The following TSNARE1 variants were observed in gnomAD, a reference collection of about 807,000 sequenced individuals.
TSNARE1 encodes the protein t-SNARE domain-containing protein 1.
In TSNARE1, 49 loss-of-function variants were observed where a neutral mutation model predicts 62.0. The observed-to-expected ratio is 0.79, with a 90% confidence interval of 0.63 to 1.00. TSNARE1 has a LOEUF of 1.00. Ranked by LOEUF, TSNARE1 falls within the 50% of genes least tolerant of loss-of-function variation. TSNARE1 has a pLI of 0.00. For missense variants in TSNARE1, 755 were observed against 700.1 expected (o/e 1.08, Z -0.88); for synonymous variants, 328 against 294.4 (o/e 1.11, Z -1.17).
intron 12 of TSNARE1, among the ~76,000 whole-genome samples, chr8:142,266,222 A>G (rs1297445833): frequency 6.6e-6 from 1 of 152,258 alleles, no homozygotes; most frequent in Non-Finnish European, 1.5e-5. Flanking sequence ...CATCCTTTGT[A>G]AAAAATCTAT....
chr8:142,398,823 G>A (rs952905391), intron 1 of TSNARE1, among the ~76,000 whole-genome samples: 1 of 152,152 alleles, frequency 6.6e-6, no homozygotes, highest in African/African-American at 2.4e-5. Flanking sequence ...GCCTGCAGTG[G>A]CCCCCAAGTG....
intron 12 of TSNARE1, chr8:142,270,532 G>A (rs183434088): frequency 2.0e-6 from 2 of 982,330 alleles, no homozygotes; most frequent in African/African-American, 1.8e-5. Flanking sequence ...AAATTGGATA[G>A]AAATTATTCC....
intron 4 of TSNARE1, among the ~76,000 whole-genome samples, chr8:142,332,173 G>C (rs559754096): frequency 3.3e-5 from 5 of 152,350 alleles, no homozygotes; most frequent in Admixed American, 2.6e-4. Context: ...GCATCACTAA[G>C]AGTCAAAGCA....
In TSNARE1 at chr8:142,232,860, C is replaced by T. The variant is rs193058289; in HGVS notation, c.1447-3281G>A. ...TGCAGCCCCAGACTTGTCCAGCTCC[C>T]CTCCCCGACCCCAACTTCCGCATCA... On this transcript the variant is annotated intron_variant, in intron 12 of 13. Transcript: ENST00000524325. Among the ~76,000 whole-genome samples the T allele has an allele frequency of 1.4e-3, 206 of 152,354 alleles. 2 individuals are homozygous for T. The highest frequency in any genetic ancestry group is 4.8e-3 in the African/African-American group (198 of 41,588).
At chr8:142,293,505 G>A (rs965123991) in intron 10 of TSNARE1, among the ~76,000 whole-genome samples, 1 of 152,238 alleles carries the variant, frequency 6.6e-6, no homozygotes, top group African/African-American at 2.4e-5. Context: ...TTACAGATAA[G>A]TAAACCGAGG....
At chr8:142,260,973 G>GGAAA in intron 12 of TSNARE1, among the ~76,000 whole-genome samples, 1 of 18,118 alleles carries the variant, frequency 5.5e-5, no homozygotes, top group Admixed American at 6.1e-4. Context: ...AGTCAGGGAG[G>GGAAA]GAGGGAGGGA....
chr8:142,215,829 C>G (rs1260992959), intron 13 of TSNARE1, among the ~76,000 whole-genome samples: 1 of 152,234 alleles, frequency 6.6e-6, no homozygotes, highest in African/African-American at 2.4e-5. Flanking sequence ...CCTTCAGCAT[C>G]TAGTGCAGGC....
At chr8:142,236,003 C>T (rs1316437187) in intron 12 of TSNARE1, among the ~76,000 whole-genome samples, 1 of 152,142 alleles carries the variant, frequency 6.6e-6, no homozygotes, top group African/African-American at 2.4e-5. Flanking sequence ...CTCACCTCTC[C>T]CAATTAGCCC....
chr8:142,378,383 C>G (rs964986270), intron 1 of TSNARE1, among the ~76,000 whole-genome samples: 4 of 152,218 alleles, frequency 2.6e-5, no homozygotes, highest in Non-Finnish European at 5.9e-5. Context: ...ACAAGGGACT[C>G]TCTTGGGGTG....
chr8:142,368,394 A>G (rs1397291057), intron 1 of TSNARE1, among the ~76,000 whole-genome samples: 4 of 152,194 alleles, frequency 2.6e-5, no homozygotes, highest in Non-Finnish European at 4.4e-5. Flanking sequence ...TGGTTCGGAG[A>G]GTTCCCCTTC....
At chr8:142,251,047 T>A (rs899500818) in intron 12 of TSNARE1, among the ~76,000 whole-genome samples, 2 of 152,162 alleles carry the variant, frequency 1.3e-5, no homozygotes, top group African/African-American at 4.8e-5. Flanking sequence ...AGAGCTCTGG[T>A]GCAGCTCGCC....
rs1384193749 is a variant in TSNARE1, at chr8:142,222,579, C to T, written c.*11+6894G>A. ...ACTCACTCATTCACTCACTCAGCCACTCATTCACTCACTCATTCATCCACT... is the reference window on the plus strand; with the variant it reads ...ACTCACTCATTCACTCACTCAGCCATTCATTCACTCACTCATTCATCCACT... On this transcript the variant is annotated intron_variant, in intron 13 of 13. Transcript: ENST00000524325. 6.4e-3 allele frequency among the ~76,000 whole-genome samples: 882 copies of T among 138,456 alleles called. 294 individuals carry two copies. The highest frequency in any genetic ancestry group is 9.4e-3 in the Non-Finnish European group (602 of 63,972). 90.8% of individuals were successfully genotyped at this position (138,456 alleles called of 152,430 possible).
intron 4 of TSNARE1, among the ~76,000 whole-genome samples, chr8:142,340,062 G>C (rs575301380): frequency 8.5e-5 from 13 of 152,348 alleles, no homozygotes; most frequent in African/African-American, 3.1e-4. Flanking sequence ...CACAGGGCTG[G>C]GTTTGTGGCC....
chr8:142,294,657 G>A (rs1416302655), intron 10 of TSNARE1, among the ~76,000 whole-genome samples: 5 of 152,338 alleles, frequency 3.3e-5, no homozygotes, highest in Middle Eastern at 6.8e-3. Flanking sequence ...CGGTCAGCAG[G>A]GTCCATACAG....
At chr8:142,275,667 T>C in intron 11 of TSNARE1, 2 of 985,134 alleles carry the variant, frequency 2.0e-6, no homozygotes, top group Non-Finnish European at 2.4e-6. Context: ...CGGAGGGAGG[T>C]TCCTTGCAAG....
At chr8:142,318,849 G>C (rs1261550217) in intron 6 of TSNARE1, among the ~76,000 whole-genome samples, 1 of 151,456 alleles carries the variant, frequency 6.6e-6, no homozygotes, top group Non-Finnish European at 1.5e-5. Context: ...AACAGAAAGA[G>C]GCAAAGACTC....
intron 11 of TSNARE1, 166 bp from the exon 12 acceptor site, chr8:142,275,029 T>C: frequency 4.1e-6 from 4 of 985,088 alleles, no homozygotes; most frequent in Non-Finnish European, 4.8e-6. Flanking sequence ...GGGCTCCGCG[T>C]GGTGTGGGCA....
intron 12 of TSNARE1, among the ~76,000 whole-genome samples, chr8:142,236,554 C>T (rs1817433952): frequency 6.6e-6 from 1 of 151,664 alleles, no homozygotes; most frequent in South Asian, 2.1e-4. Flanking sequence ...GGCTGATCCC[C>T]ATGTCCCCAG....
intron 1 of TSNARE1, among the ~76,000 whole-genome samples, chr8:142,378,491 C>T (rs182790525): frequency 3.9e-5 from 6 of 152,312 alleles, no homozygotes; most frequent in African/African-American, 1.4e-4. Flanking sequence ...ATTATACACG[C>T]TTGAAGTTTG....
Sources: gnomAD v4.1 joint callset for allele counts (sites outside exome capture counted in the v4.1 genomes callset) on GRCh38, gnomAD v4.1.1 for gene constraint, MANE v1.5 for transcripts, NCBI Gene and HGNC (gene_info 2026-07-23, HGNC 2026-07-21) for gene names.